The following CHN2 variants were observed in gnomAD, a reference collection of about 807,000 sequenced individuals.
CHN2 encodes beta-chimaerin.
Under a neutral mutation model 56.3 loss-of-function variants are expected in CHN2, and 35 were observed. The observed-to-expected ratio is 0.62, with a 90% CI of 0.47 to 0.82. The LOEUF (loss-of-function observed/expected upper bound fraction) is 0.82. Ranked by LOEUF, CHN2 falls within the 40% of genes least tolerant of loss-of-function variation. The pLI is 0.00. For missense variants in CHN2, 491 were observed against 580.5 expected, an observed-to-expected ratio of 0.85 and a Z score of 1.58; for synonymous variants, 210 against 212.8, an observed-to-expected ratio of 0.99 and a Z score of 0.12.
At chr7:29,359,433 G>A (rs1798561863) in intron 2 of CHN2, among the ~76,000 whole-genome samples, 3 of 152,024 alleles carry the variant, frequency 2.0e-5, no homozygotes, top group South Asian at 2.1e-4. Context: ...GCCTTAAGCC[G>A]GGCACTGTGC....
chr7:29,498,811 G>T (rs1362337575), intron 8 of CHN2, among the ~76,000 whole-genome samples: 1 of 137,870 alleles, frequency 7.3e-6, no homozygotes, highest in Non-Finnish European at 1.5e-5. Context: ...CACCAGGCTG[G>T]AGTGCGGTGG....
chr7:29,398,930 G>C (rs553394771), intron 5 of CHN2, among the ~76,000 whole-genome samples: 8 of 152,030 alleles, frequency 5.3e-5, no homozygotes, highest in African/African-American at 1.7e-4. Context: ...GTAAAATTCA[G>C]TGGCATTAAG....
chr7:29,478,956 C>G lies in CHN2; in HGVS notation c.577-1323C>G, dbSNP rs2128539686. Among the ~76,000 whole-genome samples, 2 of 152,288 alleles carry G rather than the reference C, an allele frequency of 1.3e-5. 1 individual carries two copies. Among genetic ancestry groups the G allele is most frequent in the South Asian group, 4.1e-4 (2 of 4,828 alleles). On this transcript the variant is annotated intron_variant, in intron 6 of 12. Transcript: ENST00000222792. Reference sequence around the variant, plus strand: ...TGATCTTTGGTTACTCTTCACAAGGCTGCTTGGAGGGACTGCAGCATGGGG... The same window carrying G: ...TGATCTTTGGTTACTCTTCACAAGGGTGCTTGGAGGGACTGCAGCATGGGG...
At chr7:29,462,378 G>A (rs1174720806) in intron 6 of CHN2, among the ~76,000 whole-genome samples, 2 of 152,130 alleles carry the variant, frequency 1.3e-5, no homozygotes, top group Non-Finnish European at 2.9e-5. Flanking sequence ...TGTTCTGTTG[G>A]GTCAGAAATT....
intron 6 of CHN2, chr7:29,401,223 G>A (rs1290275480): frequency 1.7e-5 from 3 of 181,718 alleles, no homozygotes; most frequent in Non-Finnish European, 3.5e-5. Context: ...AGCCAAGATT[G>A]TGCCACTGCA....
intron 6 of CHN2, among the ~76,000 whole-genome samples, chr7:29,468,953 G>A (rs1785800524): frequency 6.6e-6 from 1 of 152,062 alleles, no homozygotes; most frequent in Admixed American, 6.6e-5. Flanking sequence ...GTAGATTTCT[G>A]GCATCTGTCT....
intron 1 of CHN2, chr7:29,197,806 A>G (rs1430973631): frequency 5.1e-6 from 2 of 390,484 alleles, no homozygotes; most frequent in Non-Finnish European, 1.0e-5. Flanking sequence ...CAGTTTGATA[A>G]AACAAATTCT....
At chr7:29,460,231 T>C (rs148004188) in intron 6 of CHN2, among the ~76,000 whole-genome samples, 4 of 152,324 alleles carry the variant, frequency 2.6e-5, no homozygotes, top group Admixed American at 1.3e-4. Flanking sequence ...AGATAATTCC[T>C]AGGTCCCATG....
At chr7:29,301,230 G>A (rs1260903818) in intron 1 of CHN2, among the ~76,000 whole-genome samples, 2 of 151,930 alleles carry the variant, frequency 1.3e-5, no homozygotes, top group Non-Finnish European at 2.9e-5. Context: ...CCTTAAATGA[G>A]GTAAATTTAA....
chr7:29,202,591 T>G (rs1784241662), intron 1 of CHN2, among the ~76,000 whole-genome samples: 1 of 152,198 alleles, frequency 6.6e-6, no homozygotes, highest in Non-Finnish European at 1.5e-5. Flanking sequence ...GGTGGCTTAT[T>G]ATTTATTGAC....
At chr7:29,301,352 C>T (rs1793639701) in intron 1 of CHN2, among the ~76,000 whole-genome samples, 1 of 128,766 alleles carries the variant, frequency 7.8e-6, no homozygotes, top group Admixed American at 7.4e-5. Context: ...TACACACACA[C>T]ACACACACAC....
chr7:29,443,298 C>T (rs1367050614), intron 6 of CHN2, among the ~76,000 whole-genome samples: 1 of 152,150 alleles, frequency 6.6e-6, no homozygotes, highest in Non-Finnish European at 1.5e-5. Flanking sequence ...TCGTCTTGCC[C>T]ATTTGGATGT....
At chr7:29,350,869 G>C (rs1797824602) in intron 1 of CHN2, among the ~76,000 whole-genome samples, 1 of 152,084 alleles carries the variant, frequency 6.6e-6, no homozygotes, top group South Asian at 2.1e-4. Context: ...CAGCACTTTG[G>C]GAGGCCGAGG....
chr7:29,310,355 AAATC>A (rs1465723473), intron 1 of CHN2, among the ~76,000 whole-genome samples: 17 of 152,242 alleles, frequency 1.1e-4, no homozygotes, highest in African/African-American at 3.9e-4. Context: ...TAATTTTTAA[AAATC>A]AAGCTGCAAA....
At chr7:29,419,032 G>A (rs2128104114) in intron 6 of CHN2, among the ~76,000 whole-genome samples, 1 of 152,222 alleles carries the variant, frequency 6.6e-6, no homozygotes, top group Admixed American at 6.5e-5. Flanking sequence ...GTATGCAGTG[G>A]GCACATGGTG....
intron 1 of CHN2, among the ~76,000 whole-genome samples, chr7:29,210,175 G>C (rs1159184513): frequency 6.6e-6 from 1 of 152,124 alleles, no homozygotes; most frequent in Non-Finnish European, 1.5e-5. Flanking sequence ...CAACCCTCTT[G>C]TGTGTAAATC....
intron 8 of CHN2, among the ~76,000 whole-genome samples, chr7:29,497,496 T>G (rs566996073): frequency 2.0e-5 from 3 of 152,000 alleles, no homozygotes; most frequent in Admixed American, 6.6e-5. Flanking sequence ...GTTTTGTTTT[T>G]TTTTTTAAAT....
At chr7:29,383,530 C>G (rs1443994635) in intron 3 of CHN2, among the ~76,000 whole-genome samples, 1 of 152,220 alleles carries the variant, frequency 6.6e-6, no homozygotes, top group Non-Finnish European at 1.5e-5. Context: ...CTTGGAGAAA[C>G]ACCGTCCCAG....
intron 6 of CHN2, among the ~76,000 whole-genome samples, chr7:29,420,647 G>A (rs1364765522): frequency 6.6e-6 from 1 of 152,210 alleles, no homozygotes; most frequent in Non-Finnish European, 1.5e-5. Context: ...GGGCTGAGGG[G>A]AGAAGGAAAT....
Sources: allele counts gnomAD v4.1 joint callset (sites outside exome capture counted in the v4.1 genomes callset), GRCh38; gene constraint gnomAD v4.1.1; transcripts MANE v1.5; gene names NCBI Gene and HGNC (gene_info 2026-07-23, HGNC 2026-07-21).